NPAS3: variants seen among roughly 807,000 people sequenced by gnomAD.
NPAS3 encodes neuronal PAS domain protein 3.
A neutral mutation model predicts 73.1 loss-of-function variants in NPAS3; 14 were observed. The observed-to-expected ratio is 0.19, with a 90% CI of 0.13 to 0.30. The LOEUF is 0.30. Among genes scored for constraint, NPAS3 ranks in the 10% least tolerant of loss-of-function variants. NPAS3 has a pLI of 1.00. For missense variants in NPAS3, 1,096 were observed against 1,250.0 expected (o/e 0.88, Z 1.86); for synonymous variants, 620 against 541.5 (o/e 1.14, Z -2.01).
At chr14:33,201,807 C>A (rs1456135431) in intron 2 of NPAS3, among the ~76,000 whole-genome samples, 2 of 152,148 alleles carry the variant, frequency 1.3e-5, no homozygotes, top group Non-Finnish European at 2.9e-5. Flanking sequence ...TTGCCCCATT[C>A]CAATTAAGTA....
intron 5 of NPAS3, among the ~76,000 whole-genome samples, chr14:33,643,876 T>G (rs976344065): frequency 6.6e-6 from 1 of 152,106 alleles, no homozygotes; most frequent in African/African-American, 2.4e-5. Context: ...AACATGCAAA[T>G]TGGGGAGAAG....
At chr14:33,531,934 C>T (rs1178085751) in intron 4 of NPAS3, among the ~76,000 whole-genome samples, 2 of 152,152 alleles carry the variant, frequency 1.3e-5, no homozygotes, top group Non-Finnish European at 2.9e-5. Context: ...TGATCTTCTA[C>T]TGTGCTTACT....
intron 4 of NPAS3, among the ~76,000 whole-genome samples, chr14:33,505,655 GTTTA>G (rs1566957482): frequency 6.6e-6 from 1 of 152,020 alleles, no homozygotes; most frequent in African/African-American, 2.4e-5. Flanking sequence ...TGTCTTATTT[GTTTA>G]TTTATTCAAA....
intron 2 of NPAS3, among the ~76,000 whole-genome samples, chr14:33,158,566 G>A (rs561939518): frequency 1.3e-5 from 2 of 152,314 alleles, no homozygotes; most frequent in East Asian, 3.9e-4. Flanking sequence ...GGGAAATGGT[G>A]TAGGCACAAT....
chr14:33,537,085 G>C (rs1394167005), intron 4 of NPAS3, among the ~76,000 whole-genome samples: 1 of 152,142 alleles, frequency 6.6e-6, no homozygotes, highest in Non-Finnish European at 1.5e-5. Context: ...TAATATATCT[G>C]ACAGGAATGG....
At chr14:33,749,416 C>T (rs2061895646) in intron 7 of NPAS3, among the ~76,000 whole-genome samples, 1 of 152,128 alleles carries the variant, frequency 6.6e-6, no homozygotes, top group African/African-American at 2.4e-5. Context: ...CCTAGAATAG[C>T]CCCATAGGCA....
At chr14:33,147,974 A>G (rs1334969941) in intron 2 of NPAS3, among the ~76,000 whole-genome samples, 1 of 152,030 alleles carries the variant, frequency 6.6e-6, no homozygotes, top group Non-Finnish European at 1.5e-5. Flanking sequence ...GGGCCATGGT[A>G]TAAGAACATA....
At chr14:33,684,939 A>G (rs766000604) in intron 6 of NPAS3, among the ~76,000 whole-genome samples, 1 of 152,178 alleles carries the variant, frequency 6.6e-6, no homozygotes, top group African/African-American at 2.4e-5. Context: ...AAACACAATC[A>G]TGGTTTCTTG....
At chr14:33,019,824 G>C (rs571874978) in intron 1 of NPAS3, among the ~76,000 whole-genome samples, 1 of 152,148 alleles carries the variant, frequency 6.6e-6, no homozygotes, top group Non-Finnish European at 1.5e-5. Flanking sequence ...TGGTCGGGCC[G>C]GGATCTATTT....
intron 2 of NPAS3, among the ~76,000 whole-genome samples, chr14:33,202,148 TC>T (rs927449064): frequency 6.6e-6 from 1 of 152,158 alleles, no homozygotes; most frequent in Non-Finnish European, 1.5e-5. Flanking sequence ...ACACCTGTAA[TC>T]CCAGCACTCT....
intron 4 of NPAS3, among the ~76,000 whole-genome samples, chr14:33,427,910 A>T (rs1594889465): frequency 6.6e-6 from 1 of 152,236 alleles, no homozygotes; most frequent in Middle Eastern, 3.4e-3. Context: ...TTTCCAGGGA[A>T]TGAGAAAAAG....
intron 2 of NPAS3, among the ~76,000 whole-genome samples, chr14:33,132,737 C>A (rs899794674): frequency 6.6e-6 from 1 of 152,072 alleles, no homozygotes; most frequent in African/African-American, 2.4e-5. Flanking sequence ...TGATTGGATA[C>A]CTTAATTAGG....
intron 7 of NPAS3, among the ~76,000 whole-genome samples, chr14:33,771,186 C>A (rs1325033057): frequency 6.6e-6 from 1 of 152,126 alleles, no homozygotes; most frequent in Non-Finnish European, 1.5e-5. Flanking sequence ...TTGAACATAA[C>A]CTGTCACCTG....
At chr14:33,698,751 G>T (rs1005681192) in intron 6 of NPAS3, among the ~76,000 whole-genome samples, 3 of 152,126 alleles carry the variant, frequency 2.0e-5, no homozygotes. Context: ...TTTGCACAAA[G>T]AATATTTATA....
chr14:33,118,217 A>G (rs1436109835), intron 2 of NPAS3, among the ~76,000 whole-genome samples: 2 of 152,014 alleles, frequency 1.3e-5, no homozygotes, highest in African/African-American at 2.4e-5. Context: ...ATATTGCAAT[A>G]TTATCAACAT....
rs562782714 is a variant in NPAS3, at chr14:33,619,689, T to G, written c.559-56522T>G. ...AATAGAACTGAAGGGGATGTTATTT[T>G]AAATCCACTCTTGTCTACCCAAAAA... On this transcript the variant is annotated intron_variant, in intron 5 of 11. Coordinates refer to ENST00000356141, the Ensembl canonical transcript of NPAS3. Among the ~76,000 whole-genome samples, 4 of 152,354 alleles carry G rather than the reference T, an allele frequency of 2.6e-5. No individual in the cohort carries two copies. The East Asian group carries it at 7.7e-4, about 29-fold the overall frequency.
At chr14:33,528,069 T>C (rs2053880645) in intron 4 of NPAS3, among the ~76,000 whole-genome samples, 2 of 152,100 alleles carry the variant, frequency 1.3e-5, no homozygotes, top group African/African-American at 4.8e-5. Context: ...AGAATTATTT[T>C]CCCCTTCAAG....
At chr14:33,116,970 G>A (rs1159449508) in intron 2 of NPAS3, among the ~76,000 whole-genome samples, 1 of 152,018 alleles carries the variant, frequency 6.6e-6, no homozygotes, top group East Asian at 1.9e-4. Context: ...GGTTTTAATA[G>A]GCCATTGCTT....
At chr14:33,665,054 G>A (rs1404093214) in intron 5 of NPAS3, among the ~76,000 whole-genome samples, 7 of 152,280 alleles carry the variant, frequency 4.6e-5, no homozygotes, top group South Asian at 2.1e-4. Flanking sequence ...AGACACATGC[G>A]CACACATGTT....
Sources: gnomAD v4.1 joint callset for allele counts (sites outside exome capture counted in the v4.1 genomes callset) on GRCh38, gnomAD v4.1.1 for gene constraint, MANE v1.5 for transcripts, NCBI Gene and HGNC (gene_info 2026-07-23, HGNC 2026-07-21) for gene names.